Variants in PCDH15 observed in about 807,000 individuals in gnomAD.
PCDH15 encodes the protein protocadherin related 15.
PCDH15 carries 129 observed loss-of-function variants against 178.5 expected under a neutral mutation model. That is an observed-to-expected ratio of 0.72 (90% CI 0.63 to 0.84). PCDH15 has a LOEUF of 0.84. Ranked by LOEUF, PCDH15 falls within the 40% of genes least tolerant of loss-of-function variation. The pLI, the probability that PCDH15 is intolerant of heterozygous loss-of-function variation, is 0.00. For synonymous variants in PCDH15, 800 were observed against 732.0 expected (o/e 1.09, Z -1.50); for missense variants, 2,230 against 2,099.9 (o/e 1.06, Z -1.21).
At chr10:55,007,527 A>AGGCCGGGCGCGGTGGCTCACGCCTGT (rs1839961385) in intron 2 of PCDH15, among the ~76,000 whole-genome samples, 1 of 148,732 alleles carries the variant, frequency 6.7e-6, no homozygotes, top group East Asian at 2.1e-4. Flanking sequence ...TGAGGTTGGC[A>AGGCCGGGCGCGGTGGCTCACGCCTGT]AAGTTTTTAT....
At chr10:54,520,333 C>G (rs2082711602) in intron 3 of PCDH15, among the ~76,000 whole-genome samples, 5 of 152,054 alleles carry the variant, frequency 3.3e-5, no homozygotes, top group Admixed American at 3.3e-4. Flanking sequence ...GGGCTAATAT[C>G]CAGAATCTAC....
chr10:55,394,667 C>T (rs1186801538), intron 2 of PCDH15, among the ~76,000 whole-genome samples: 1 of 150,250 alleles, frequency 6.7e-6, no homozygotes, highest in Non-Finnish European at 1.5e-5. Flanking sequence ...ACTTGTAAAA[C>T]ATCTTCCAGT....
intron 18 of PCDH15, among the ~76,000 whole-genome samples, chr10:54,039,292 G>A (rs1193767770): frequency 1.3e-5 from 2 of 151,912 alleles, no homozygotes; most frequent in Non-Finnish European, 2.9e-5. Flanking sequence ...CTAGCTGCAT[G>A]ATAGATTGGA....
At chr10:54,165,148 A>G (rs1405609472) in intron 13 of PCDH15, among the ~76,000 whole-genome samples, 2 of 151,984 alleles carry the variant, frequency 1.3e-5, no homozygotes, top group South Asian at 4.1e-4. Flanking sequence ...TTTCAGATTT[A>G]TTCTCTGTGG....
intron 29 of PCDH15, among the ~76,000 whole-genome samples, chr10:53,834,109 A>C (rs1457580848): frequency 6.6e-6 from 1 of 152,176 alleles, no homozygotes; most frequent in East Asian, 1.9e-4. Context: ...AAACTGAAGA[A>C]AGCAAAACCA....
intron 2 of PCDH15, among the ~76,000 whole-genome samples, chr10:55,088,674 T>C (rs992093368): frequency 2.0e-5 from 3 of 152,178 alleles, no homozygotes; most frequent in South Asian, 2.1e-4. Context: ...TATATGTGTG[T>C]ATATGTGCAC....
chr10:54,600,746 C>A (rs915281535), intron 2 of PCDH15: 1 of 500,832 alleles, frequency 2.0e-6, no homozygotes, highest in East Asian at 4.9e-5. Context: ...TGATTGACAG[C>A]TTCAAAACAG....
chr10:54,965,814 A>C (rs1299777140), intron 2 of PCDH15, among the ~76,000 whole-genome samples: 1 of 151,116 alleles, frequency 6.6e-6, no homozygotes, highest in Non-Finnish European at 1.5e-5. Flanking sequence ...ACATAGCTTA[A>C]CTCTTCATGT....
At chr10:54,759,489 T>A (rs1283002129) in intron 1 of PCDH15, among the ~76,000 whole-genome samples, 1 of 152,248 alleles carries the variant, frequency 6.6e-6, no homozygotes, top group Non-Finnish European at 1.5e-5. Context: ...GATATTTCTG[T>A]CTTCTCTCTC....
chr10:53,852,996 A>G lies in PCDH15; in HGVS notation c.3806+4179T>C, dbSNP rs1170115862. Among the ~76,000 whole-genome samples the G allele has an allele frequency of 3.9e-5, 6 of 152,034 alleles. No homozygotes were observed. In the South Asian group the frequency reaches 1.2e-3, roughly 31 times the overall value. ...TTCATCACTCATCCCAGACATGGAT[A>G]GGGGGAGCACTGGGGCTTCACAGTG... On this transcript the variant is annotated intron_variant, in intron 28 of 37. Coordinates refer to ENST00000644397, the MANE Select transcript of PCDH15 (RefSeq NM_001384140.1).
chr10:53,946,282 G>A (rs2086567358), intron 23 of PCDH15, among the ~76,000 whole-genome samples: 1 of 152,078 alleles, frequency 6.6e-6, no homozygotes, highest in African/African-American at 2.4e-5. Flanking sequence ...GGTTCACATA[G>A]TGACACTGTG....
At chr10:54,354,999 A>C (rs564290257) in intron 5 of PCDH15, among the ~76,000 whole-genome samples, 3 of 151,970 alleles carry the variant, frequency 2.0e-5, no homozygotes, top group Non-Finnish European at 4.4e-5. Context: ...TGAAGTCTCA[A>C]TAATGTTCCA....
intron 3 of PCDH15, among the ~76,000 whole-genome samples, chr10:54,503,280 T>C (rs2080880725): frequency 7.1e-6 from 1 of 140,332 alleles, no homozygotes; most frequent in African/African-American, 2.5e-5. Context: ...TATATATTTA[T>C]ATATAATATA....
intron 1 of PCDH15, among the ~76,000 whole-genome samples, chr10:54,724,247 GGAACTAGA>G (rs148015543): frequency 0.13 from 20,425 of 151,558 alleles, 1,439 homozygotes; most frequent in East Asian, 0.25. Context: ...CAACTTGGAT[GGAACTAGA>G]GGTCATTATC....
intron 2 of PCDH15, among the ~76,000 whole-genome samples, chr10:55,348,297 A>C (rs1844816448): frequency 6.6e-6 from 1 of 152,196 alleles, no homozygotes; most frequent in Non-Finnish European, 1.5e-5. Context: ...CACATATAGA[A>C]TATTTGCATC....
At chr10:55,510,943 C>T (rs1210917983) in intron 2 of PCDH15, among the ~76,000 whole-genome samples, 3 of 151,294 alleles carry the variant, frequency 2.0e-5, no homozygotes, top group Non-Finnish European at 4.4e-5. Flanking sequence ...TTACTAAAGC[C>T]TCAATCTCCT....
At chr10:53,916,393 A>T (rs1267343240) in intron 25 of PCDH15, among the ~76,000 whole-genome samples, 1 of 151,938 alleles carries the variant, frequency 6.6e-6, no homozygotes, top group Non-Finnish European at 1.5e-5. Context: ...TGCAAATTGT[A>T]ATCACCAAAA....
chr10:53,820,478 C>T lies in PCDH15; in HGVS notation c.4368-248G>A, dbSNP rs376218758. ...GCTCTCAACTTATATTCATATACTTCCAATAGTAATTATCAGGTATGAGTT... is the reference window on the plus strand; with the variant it reads ...GCTCTCAACTTATATTCATATACTTTCAATAGTAATTATCAGGTATGAGTT... On this transcript the variant is annotated intron_variant, in intron 32 of 37. Coordinates refer to ENST00000644397, the MANE Select transcript of PCDH15 (RefSeq NM_001384140.1). 2.6e-5 allele frequency among the ~76,000 whole-genome samples: 4 copies of T among 151,934 alleles called. No individual in the cohort carries two copies. The South Asian group carries it at 6.2e-4, about 24-fold the overall frequency.
chr10:54,862,256 C>T (rs1953856431), intron 3 of PCDH15, among the ~76,000 whole-genome samples: 1 of 152,038 alleles, frequency 6.6e-6, no homozygotes, highest in African/African-American at 2.4e-5. Context: ...AAACATTTGA[C>T]TCATTTACTT....
Sources: gnomAD v4.1 joint callset for allele counts (sites outside exome capture counted in the v4.1 genomes callset) on GRCh38, gnomAD v4.1.1 for gene constraint, MANE v1.5 for transcripts, NCBI Gene and HGNC (gene_info 2026-07-23, HGNC 2026-07-21) for gene names.